The following RPL28 variants were observed in gnomAD, a reference collection of about 807,000 sequenced individuals.
RPL28 encodes the protein ribosomal protein L28.
RPL28 carries 4 observed loss-of-function variants against 12.5 expected under a neutral mutation model. That is an observed-to-expected ratio of 0.32 (90% CI 0.16 to 0.73). The LOEUF is 0.73. RPL28 is among the 30% of genes least tolerant of loss of function. The pLI is 0.66. For synonymous variants in RPL28, 91 were observed against 72.5 expected (o/e 1.26, Z -1.30); for missense variants, 214 against 197.7 (o/e 1.08, Z -0.49).
Position 55,391,969 on chromosome 19 carries a change from A to G in RPL28, c.*3637A>G, listed in dbSNP as rs1457685109. 1.7e-6 allele frequency: 2 copies of G among 1,208,786 alleles called. No individual in the cohort carries two copies. The highest frequency in any genetic ancestry group is 4.0e-5 in the Admixed American group (1 of 25,030). 74.9% of individuals were successfully genotyped at this position (1,208,786 alleles called of 1,614,324 possible). ...CAGCCTCCTGCCCGTGTTTGTGAAT[A>G]TCATTCTGTCCTCAGCTGCATTTCC... On this transcript the variant is annotated 3_prime_UTR_variant, in exon 5 of 5. Coordinates refer to ENST00000344063, the MANE Select transcript of RPL28 (RefSeq NM_000991.5).
In RPL28 at chr19:55,386,608, C is replaced by A; in HGVS notation, c.120C>A (p.Tyr40Ter). The change falls in exon 3 of 5, where the codon TAC (tyrosine) becomes TAA (stop). Residue 40 changes from tyrosine to a stop codon, truncating the protein, a stop_gained. Coordinates refer to ENST00000344063, the MANE Select transcript of RPL28 (RefSeq NM_000991.5). LOFTEE classifies it high-confidence loss of function. ...NNLKARNSFR[Y>*]NGLIHRKTVG... Reference sequence around the variant, plus strand: ...TGAAGGCCCGCAATTCCTTCCGCTACAACGGACTGATTCACCGCAAGACTG... The same window carrying A: ...TGAAGGCCCGCAATTCCTTCCGCTAAAACGGACTGATTCACCGCAAGACTG... 1 of 1,613,410 alleles carries A rather than the reference C, an allele frequency of 6.2e-7. No individual in the cohort carries two copies. Among genetic ancestry groups the A allele is most frequent in the Non-Finnish European group, 8.5e-7 (1 of 1,179,422 alleles).
At chr19:55,387,789 A>G in intron 3 of RPL28, 141 bp from the exon 4 acceptor site, 1 of 1,464,990 alleles carries the variant, frequency 6.8e-7, no homozygotes, top group Non-Finnish European at 9.0e-7. Flanking sequence ...GTGGGAAAAC[A>G]GCTACCTGCT....
chr19:55,394,768 C>T (rs936339431), downstream of RPL28, among the ~76,000 whole-genome samples: 2 of 151,856 alleles, frequency 1.3e-5, no homozygotes, highest in Admixed American at 1.3e-4. Flanking sequence ...GAGACACGAT[C>T]TCACTATGTT....
intron 4 of RPL28, chr19:55,400,593 T>C (rs1242068566): frequency 6.6e-6 from 1 of 152,356 alleles, no homozygotes; most frequent in East Asian, 1.9e-4. Flanking sequence ...TTCTTGGAGC[T>C]AAGACCCTAG....
At chr19:55,387,549 G>C (rs1251611408) in intron 3 of RPL28, 46 of 1,430,212 alleles carry the variant, frequency 3.2e-5, no homozygotes, top group Non-Finnish European at 4.0e-5. Context: ...CAGCCAAGCT[G>C]ATGTTGAACC....
At chr19:55,393,521 C>G (rs1309928610), downstream of RPL28, among the ~76,000 whole-genome samples, 2 of 152,128 alleles carry the variant, frequency 1.3e-5, no homozygotes, top group African/African-American at 4.8e-5. Context: ...CAACCACAAC[C>G]CCTATCTTAT....
chr19:55,390,822 G>T lies in RPL28; in HGVS notation c.*2490G>T. On this transcript the variant is annotated 3_prime_UTR_variant, in exon 5 of 5. Transcript: ENST00000344063. Reference sequence around the variant, plus strand: ...AGATGGTCTCAGCCCCACAGAGTTTGGAGTCCTCAGTGTGCTGAGCAAACG... The same window carrying T: ...AGATGGTCTCAGCCCCACAGAGTTTTGAGTCCTCAGTGTGCTGAGCAAACG... 1.0e-6 allele frequency: 1 copy of T among 985,456 alleles called. No individual in the cohort carries two copies. Among genetic ancestry groups the T allele is most frequent in the Non-Finnish European group, 1.2e-6 (1 of 829,944 alleles). 61.0% of individuals were successfully genotyped at this position (985,456 alleles called of 1,614,324 possible). A position where few individuals can be genotyped will look rare whatever the true frequency, so the allele number is the denominator to read the frequency against.
At chr19:55,388,079 G>A in intron 4 of RPL28, 31 bp downstream of exon 4, 1 of 1,613,000 alleles carries the variant, frequency 6.2e-7, no homozygotes, top group Non-Finnish European at 8.5e-7. Flanking sequence ...CAGGCTTGGG[G>A]AGACTGGCCA....
exon 5 of RPL28, chr19:55,403,152 AC>A: frequency 1.4e-6 from 1 of 724,448 alleles, no homozygotes; most frequent in Non-Finnish European, 2.5e-6. Flanking sequence ...TGGTCTCCTG[AC>A]AATGCATAAT....
Position 55,389,520 on chromosome 19 carries a change from G to C in RPL28, c.*1188G>C. 1.0e-6 allele frequency: 1 copy of C among 985,428 alleles called. No individual in the cohort carries two copies. Among genetic ancestry groups the C allele is most frequent in the Non-Finnish European group, 1.2e-6 (1 of 829,936 alleles). 61.0% of individuals were successfully genotyped at this position (985,428 alleles called of 1,614,324 possible). ...CAAAGAAGGACTCTGCTCCCTGTCT[G>C]AGACCACCCCCGGCTCTGACTGAGA... On this transcript the variant is annotated 3_prime_UTR_variant, in exon 5 of 5. Coordinates refer to ENST00000344063, the MANE Select transcript of RPL28 (RefSeq NM_000991.5).
In RPL28 at chr19:55,388,113, C is replaced by T. The variant is rs10410269; in HGVS notation, c.324+65C>T. 5.9e-3 allele frequency: 9,521 copies of T among 1,601,458 alleles called. 538 individuals carry two copies. In the African/African-American group the frequency reaches 0.11, roughly 19 times the overall value. ...CAGTGCTGTGGGGAAGGGCCTCCCACTACTGGTTGCAATATGGGCTGGAGA... is the reference window on the plus strand; with the variant it reads ...CAGTGCTGTGGGGAAGGGCCTCCCATTACTGGTTGCAATATGGGCTGGAGA... On this transcript the variant is annotated intron_variant, in intron 4 of 4. Transcript: ENST00000344063.
chr19:55,402,515 G>T (rs992048231), intron 4 of RPL28, among the ~76,000 whole-genome samples: 1 of 152,238 alleles, frequency 6.6e-6, no homozygotes, highest in Non-Finnish European at 1.5e-5. Flanking sequence ...ATCCTCTGAA[G>T]TGGGTCTGGG....
At position 55,399,298 on chromosome 19, in the gene RPL28, C is replaced by T. The variant is rs375647496; in HGVS notation, c.325-3645C>T. ...TCTCCTGCCTCAGCCTTCCAAGTAG[C>T]TGGGATTACAGACATGCACCACCAC... On this transcript the variant is annotated intron_variant, in intron 4 of 4. Coordinates refer to the RPL28 transcript ENST00000560055. 8.2e-4 allele frequency among the ~76,000 whole-genome samples: 125 copies of T among 152,268 alleles called. 1 individual carries two copies. Among genetic ancestry groups the T allele is most frequent in the African/African-American group, 2.9e-3 (122 of 41,544 alleles).
Position 55,390,774 on chromosome 19 carries a change from C to T in RPL28, c.*2442C>T, listed in dbSNP as rs2089982707. 2.0e-6 allele frequency: 2 copies of T among 985,300 alleles called. No homozygotes were observed. Among genetic ancestry groups the T allele is most frequent in the African/African-American group, 1.7e-5 (1 of 57,202 alleles). The allele number at this position is 985,300 out of a possible 1,614,324, so 61.0% of individuals were successfully genotyped here. A position where few individuals can be genotyped will look rare whatever the true frequency, so the allele number is the denominator to read the frequency against. ...CTATCGGTGGGTTGGGGTGGAGGAA[C>T]CAGGAGAGGGCTGGAGGGAGGGAGA... On this transcript the variant is annotated 3_prime_UTR_variant, in exon 5 of 5. Coordinates refer to ENST00000344063, the MANE Select transcript of RPL28 (RefSeq NM_000991.5).
Position 55,391,675 on chromosome 19 carries a change from A to T in RPL28, c.*3343A>T, listed in dbSNP as rs1199441153. 6.5e-7 allele frequency: 1 copy of T among 1,541,976 alleles called. No homozygotes were observed. Among genetic ancestry groups the T allele is most frequent in the Non-Finnish European group, 8.8e-7 (1 of 1,138,450 alleles). ...TGTAACATGCGTGTCGATAGACCCT[A>T]CTACTCAGGGTTGATGAGAAGATTA... On this transcript the variant is annotated 3_prime_UTR_variant, in exon 5 of 5. Coordinates refer to ENST00000344063, the MANE Select transcript of RPL28 (RefSeq NM_000991.5).
At chr19:55,392,322 C>G (rs1261083579), downstream of RPL28, among the ~76,000 whole-genome samples, 1 of 151,348 alleles carries the variant, frequency 6.6e-6, no homozygotes, top group Non-Finnish European at 1.5e-5. Context: ...GCCTCTAACT[C>G]CTGGGCACTC....
Position 55,387,960 on chromosome 19 carries a change from G to A in RPL28, c.236G>A (p.Arg79Gln), listed in dbSNP as rs34259396. ...GQRKPATSYV[R>Q]TTINKNARAT... Reference sequence around the variant, plus strand: ...CGGAAGCCTGCCACCTCCTATGTGCGGACCACCATCAACAAGAATGCTCGC... The same window carrying A: ...CGGAAGCCTGCCACCTCCTATGTGCAGACCACCATCAACAAGAATGCTCGC... Residue 79 changes from arginine to glutamine, a missense_variant, in exon 4 of 5, where the codon CGG becomes CAG. Arg to Gln is a conservative substitution (Grantham distance 43). Coordinates refer to ENST00000344063, the MANE Select transcript of RPL28 (RefSeq NM_000991.5). 1.4e-5 allele frequency: 23 copies of A among 1,600,266 alleles called. No individual in the cohort carries two copies. Among genetic ancestry groups the A allele is most frequent in the African/African-American group, 2.7e-5 (2 of 74,702 alleles).
downstream of RPL28, among the ~76,000 whole-genome samples, chr19:55,394,565 AT>A (rs1419024482): frequency 6.7e-6 from 1 of 149,720 alleles, no homozygotes; most frequent in Non-Finnish European, 1.5e-5. Flanking sequence ...CTAGCCCAGA[AT>A]TTCTATTTAT....
chr19:55,397,615 T>A (rs569621317), intron 4 of RPL28, among the ~76,000 whole-genome samples: 1 of 151,930 alleles, frequency 6.6e-6, no homozygotes, highest in Non-Finnish European at 1.5e-5. Flanking sequence ...CTCCTGATCT[T>A]GTGATCCACC....
Sources: allele counts gnomAD v4.1 joint callset (sites outside exome capture counted in the v4.1 genomes callset), GRCh38; gene constraint gnomAD v4.1.1; transcripts MANE v1.5; gene names NCBI Gene and HGNC (gene_info 2026-07-23, HGNC 2026-07-21).